Variants in ITGA4 observed in about 807,000 individuals in gnomAD.
ITGA4 encodes integrin alpha-4.
In ITGA4, 63 loss-of-function variants were observed where a neutral mutation model predicts 133.6. That is an observed-to-expected ratio of 0.47 (90% CI 0.38 to 0.58). The LOEUF (loss-of-function observed/expected upper bound fraction) is 0.58. ITGA4 is among the 20% of genes least tolerant of loss of function. The probability of loss-of-function intolerance (pLI) is 0.00; values close to 1 mark genes in which losing one functional copy is unlikely to be tolerated. For missense variants in ITGA4, 1,076 were observed against 1,252.7 expected (o/e 0.86, Z 2.13); for synonymous variants, 483 against 438.0 (o/e 1.10, Z -1.28).
chr2:181,492,406 G>T (rs1158235950), intron 10 of ITGA4, among the ~76,000 whole-genome samples: 1 of 152,124 alleles, frequency 6.6e-6, no homozygotes, highest in East Asian at 1.9e-4. Flanking sequence ...CACTATAGTT[G>T]ATAAAATGAT....
In ITGA4 at chr2:181,534,822, C is replaced by T. The variant is rs1687023539; in HGVS notation, c.2890C>T (p.Leu964=). 6.3e-7 allele frequency: 1 copy of T among 1,585,272 alleles called. No individual in the cohort carries two copies. The stretch of plus-strand genomic sequence containing the variant: ...TTTTTCTTAACTCACGTAGGTTCTA[C>T]TGGAAGGACTACATCATCAAAGACC... The part of the protein sequence containing the change: ...NKDENVAHVL[L]EGLHHQRPKR... Residue 964 remains leucine, a synonymous_variant, in exon 27 of 28, where the codon CTG becomes TTG. Coordinates refer to ENST00000397033, the MANE Select transcript of ITGA4 (RefSeq NM_000885.6).
At chr2:181,483,564 A>C (rs986170756) in intron 9 of ITGA4, among the ~76,000 whole-genome samples, 1 of 152,208 alleles carries the variant, frequency 6.6e-6, no homozygotes, top group African/African-American at 2.4e-5. Context: ...TAAACTCTAC[A>C]ATTTAAGAAA....
At chr2:181,473,688 C>A (rs1435828942) in intron 2 of ITGA4, among the ~76,000 whole-genome samples, 4 of 152,192 alleles carry the variant, frequency 2.6e-5, no homozygotes, top group Non-Finnish European at 5.9e-5. Flanking sequence ...ATTAGCCTTA[C>A]CAGGCATAGT....
chr2:181,469,829 A>G (rs1459725951), intron 2 of ITGA4, among the ~76,000 whole-genome samples: 1 of 147,004 alleles, frequency 6.8e-6, no homozygotes, highest in Non-Finnish European at 1.5e-5. Flanking sequence ...AAAACCAAAC[A>G]CCGCATGTTC....
intron 2 of ITGA4, among the ~76,000 whole-genome samples, chr2:181,465,584 T>G (rs2105715758): frequency 6.6e-6 from 1 of 152,328 alleles, no homozygotes; most frequent in South Asian, 2.1e-4. Context: ...TGATTGTTTT[T>G]CAAATGAATT....
At chr2:181,486,673 T>C (rs758819283) in intron 10 of ITGA4, among the ~76,000 whole-genome samples, 2 of 152,206 alleles carry the variant, frequency 1.3e-5, no homozygotes, top group Non-Finnish European at 2.9e-5. Context: ...CTGCATCTAC[T>C]AGCATTTACT....
chr2:181,462,079 G>A (rs985760665), intron 2 of ITGA4, among the ~76,000 whole-genome samples: 1 of 151,708 alleles, frequency 6.6e-6, no homozygotes, highest in Non-Finnish European at 1.5e-5. Context: ...ATTTCCAATG[G>A]GCTTGTATTA....
Position 181,495,880 on chromosome 2 carries a change from T to G in ITGA4, c.1483T>G (p.Cys495Gly). The change falls in exon 14 of 28, where the codon TGC becomes GGC. Residue 495 changes from cysteine to glycine, a missense_variant. Cys to Gly is a radical substitution (Grantham distance 159, BLOSUM62 -3). Around this residue, in one of 4 missense-constraint regions of ITGA4, gnomAD observed 436 missense variants for 590.7 expected, o/e 0.74. Transcript: ENST00000397033. The surrounding 1 kb of genome is among the most constrained non-coding windows in gnomAD (Gnocchi z 4.3). ...TGTTGAAAATGGATGGCCTTCTGTGTGCATAGATCTAACACTTTGTTTCTC... is the reference window on the plus strand; with the variant it reads ...TGTTGAAAATGGATGGCCTTCTGTGGGCATAGATCTAACACTTTGTTTCTC... ...DCVENGWPSV[C>G]IDLTLCFSYK... 1 of 1,614,074 alleles carries G rather than the reference T, an allele frequency of 6.2e-7. No homozygotes were observed. The highest frequency in any genetic ancestry group is 8.5e-7 in the Non-Finnish European group (1 of 1,179,946).
At position 181,457,723 on chromosome 2, in the gene ITGA4, G is replaced by A. The variant is rs1574369367; in HGVS notation, c.69G>A (p.Leu23=). 1.2e-6 allele frequency: 2 copies of A among 1,612,776 alleles called. No homozygotes were observed. The highest frequency in any genetic ancestry group is 1.3e-5 in the African/African-American group (1 of 74,992). The change falls in exon 1 of 28, where the codon TTG becomes TTA. Residue 23 remains leucine (L), a synonymous_variant. Coordinates refer to ENST00000397033, the MANE Select transcript of ITGA4 (RefSeq NM_000885.6). ...RAAVRETVML[L]LCLGVPTGRP... is the part of the protein sequence containing the mutation. ...CCGTCCGGGAGACGGTGATGCTGTTGCTGTGCCTGGGGGTCCCGACCGGCC... is the reference window on the plus strand; with the variant it reads ...CCGTCCGGGAGACGGTGATGCTGTTACTGTGCCTGGGGGTCCCGACCGGCC...
At chr2:181,504,514 A>G (rs974463106) in intron 15 of ITGA4, among the ~76,000 whole-genome samples, 1 of 152,102 alleles carries the variant, frequency 6.6e-6, no homozygotes, top group Non-Finnish European at 1.5e-5. Context: ...TTTTTTAACA[A>G]TAGCACACTA....
intron 10 of ITGA4, among the ~76,000 whole-genome samples, chr2:181,492,185 G>GAATAAACTTTCATATTT: frequency 6.6e-6 from 1 of 152,292 alleles, no homozygotes; most frequent in Admixed American, 6.5e-5. Context: ...ATAAATGAGT[G>GAATAAACTTTCATATTT]GGCATATTTG....
intron 16 of ITGA4, among the ~76,000 whole-genome samples, chr2:181,510,564 AAGG>A (rs1315646915): frequency 6.6e-6 from 1 of 152,098 alleles, no homozygotes; most frequent in Admixed American, 6.6e-5. Flanking sequence ...TAAAAGATGA[AAGG>A]GACATTTAAA....
At chr2:181,485,246 C>T (rs1261091098) in intron 9 of ITGA4, among the ~76,000 whole-genome samples, 1 of 152,190 alleles carries the variant, frequency 6.6e-6, no homozygotes, top group Non-Finnish European at 1.5e-5. Flanking sequence ...TGCAATCTGA[C>T]ATTTTTGTCT....
chr2:181,511,825 G>A lies in ITGA4; in HGVS notation c.1922+50G>A, dbSNP rs547907088. ...CTGTTATTCATCGAGAGGGTGTAAT[G>A]AGTGTGTGCATTTGCATTCCCAAAA... On this transcript the variant is annotated intron_variant, in intron 17 of 27. Transcript: ENST00000397033. The A allele has an allele frequency of 4.8e-6, 4 of 842,086 alleles. No homozygotes were observed. The East Asian group carries it at 7.3e-5, about 15-fold the overall frequency. The allele number at this position is 842,086 out of a possible 1,614,324, so 52.2% of individuals were successfully genotyped here. A position where few individuals can be genotyped will look rare whatever the true frequency, so the allele number is the denominator to read the frequency against.
chr2:181,500,407 G>A (rs1686243456), intron 15 of ITGA4, among the ~76,000 whole-genome samples: 1 of 152,068 alleles, frequency 6.6e-6, no homozygotes, highest in Non-Finnish European at 1.5e-5. Flanking sequence ...CTCCACCAGG[G>A]TAATAGCCCA....
intron 27 of ITGA4, 63 bp from the exon 28 acceptor site, chr2:181,535,369 G>C: frequency 8.1e-7 from 1 of 1,242,194 alleles, no homozygotes; most frequent in Non-Finnish European, 1.1e-6. Flanking sequence ...TATTAGAAAT[G>C]AGTATAGTAG....
intron 15 of ITGA4, 65 bp from the exon 16 acceptor site, chr2:181,509,593 A>G: frequency 7.8e-7 from 1 of 1,279,056 alleles, no homozygotes; most frequent in Non-Finnish European, 1.1e-6. Context: ...TCAGGAAAGG[A>G]GTTTTATTTT....
chr2:181,534,736 G>T lies in ITGA4; in HGVS notation c.2884-80G>T, dbSNP rs1053441097. 7 of 1,220,756 alleles carry T rather than the reference G, an allele frequency of 5.7e-6. No homozygotes were observed. In the African/African-American group the frequency reaches 9.3e-5, roughly 16 times the overall value. The allele number at this position is 1,220,756 out of a possible 1,614,324, so 75.6% of individuals were successfully genotyped here. ...AAATACTACTGGGGATTATGGCAGG[G>T]CTTTAAAGGAAATATAAGCAACGTT... On this transcript the variant is annotated intron_variant, in intron 26 of 27. Transcript: ENST00000397033.
chr2:181,526,862 C>T (rs542505953), intron 21 of ITGA4, among the ~76,000 whole-genome samples: 30 of 37,246 alleles, frequency 8.1e-4, no homozygotes, highest in Admixed American at 2.4e-3. Flanking sequence ...TTAAGAGTCT[C>T]GCTCTATTGC....
Sources: allele counts gnomAD v4.1 joint callset (sites outside exome capture counted in the v4.1 genomes callset), GRCh38; gene constraint gnomAD v4.1.1; regional missense constraint gnomAD v4.1.1; non-coding constraint Gnocchi (gnomAD v3.1); transcripts MANE v1.5; gene names NCBI Gene and HGNC (gene_info 2026-07-23, HGNC 2026-07-21).